Variants in MID1 observed in about 807,000 individuals in gnomAD.
The protein encoded by MID1 is E3 ubiquitin-protein ligase Midline-1.
Under a neutral mutation model 40.4 loss-of-function variants are expected in MID1, and 7 were observed. The ratio of observed to expected loss-of-function variants is 0.17; its 90% CI spans 0.10 to 0.33. MID1 has a LOEUF of 0.33. MID1 is among the 10% of genes least tolerant of loss of function. The pLI is 1.00. For synonymous variants in MID1, 229 were observed against 221.2 expected, an observed-to-expected ratio of 1.04 and a Z score of -0.31; for missense variants, 367 against 558.5, an observed-to-expected ratio of 0.66 and a Z score of 3.46.
Position 10,452,229 on chromosome X carries a change from C to T in MID1, c.1656-2513G>A, listed in dbSNP as rs145223463. Among the ~76,000 whole-genome samples the T allele has an allele frequency of 7.3e-3, 812 of 111,661 alleles. 10 individuals carry two copies. Among genetic ancestry groups the T allele is most frequent in the African/African-American group, 0.025 (753 of 30,699 alleles). On this transcript the variant is annotated intron_variant, in intron 9 of 9. Transcript: ENST00000317552. ...GCAAAATCCAGAGTTGTATGCTGCC[C>T]CCACCCCTTCTGGTCTAATAATCTT...
intron 2 of MID1, among the ~76,000 whole-genome samples, chrX:10,551,169 T>C (rs1933894637): frequency 8.9e-6 from 1 of 112,446 alleles, no homozygotes; most frequent in Non-Finnish European, 1.9e-5. Flanking sequence ...CATTGTATTG[T>C]TTAGAGATTT....
At chrX:10,804,557 C>T (rs1353653275) in intron 1 of MID1, among the ~76,000 whole-genome samples, 3 of 111,543 alleles carry the variant, frequency 2.7e-5, no homozygotes, top group Non-Finnish European at 5.6e-5. Context: ...CTTCTTAAAT[C>T]GAGTTTGAGT....
chrX:10,819,422 C>T (rs181075831), intron 1 of MID1, among the ~76,000 whole-genome samples: 86 of 111,682 alleles, frequency 7.7e-4, no homozygotes, highest in African/African-American at 2.7e-3. Flanking sequence ...TTATTGCAAC[C>T]GAAGACATCA....
intron 1 of MID1, among the ~76,000 whole-genome samples, chrX:10,683,770 CTTT>C (rs34917176): frequency 2.0e-3 from 91 of 45,060 alleles, no homozygotes; most frequent in African/African-American, 8.9e-3. Flanking sequence ...TGCACGTCAT[CTTT>C]TTTTTTTTTT....
At chrX:10,704,243 T>G (rs1263375723) in intron 1 of MID1, among the ~76,000 whole-genome samples, 1 of 112,433 alleles carries the variant, frequency 8.9e-6, no homozygotes, top group Non-Finnish European at 1.9e-5. Flanking sequence ...CTATTTATAC[T>G]TTACTGCTTG....
chrX:10,477,771 A>T (rs1350687734), intron 5 of MID1, among the ~76,000 whole-genome samples: 1 of 112,300 alleles, frequency 8.9e-6, no homozygotes, highest in African/African-American at 3.2e-5. Flanking sequence ...AACAATGTGC[A>T]TCACCAAAGT....
rs189283409 is a variant in MID1, at chrX:10,609,150, C to T, written c.-57+11140G>A. Among the ~76,000 whole-genome samples the T allele has an allele frequency of 3.7e-3, 382 of 103,595 alleles. 4 individuals are homozygous for T. The highest frequency in any genetic ancestry group is 0.014 in the African/African-American group (363 of 25,799). The allele number at this position is 103,595 out of a possible 115,157, so 90.0% of individuals were successfully genotyped here. ...GGATATTTATACATATACATGCACA[C>T]GTGCATACACACACACACACACACA... On this transcript the variant is annotated intron_variant, in intron 1 of 9. Transcript: ENST00000317552.
chrX:10,694,918 A>G (rs746442452), intron 1 of MID1, among the ~76,000 whole-genome samples: 1 of 111,534 alleles, frequency 9.0e-6, no homozygotes, highest in African/African-American at 3.3e-5. Flanking sequence ...CTTAGTTTAT[A>G]GTTTAAATGA....
intron 1 of MID1, among the ~76,000 whole-genome samples, chrX:10,789,646 G>A (rs1009224281): frequency 1.8e-5 from 2 of 112,082 alleles, no homozygotes; most frequent in South Asian, 3.7e-4. Context: ...CTCTATGTTC[G>A]CACAATCATA....
intron 1 of MID1, among the ~76,000 whole-genome samples, chrX:10,644,385 AG>A (rs1322998387): frequency 1.7e-4 from 19 of 110,084 alleles, no homozygotes; most frequent in African/African-American, 5.9e-4. Context: ...CCTTCCTCTC[AG>A]CCATCTCCCT....
chrX:10,446,642 T>C lies in MID1; in HGVS notation c.*2726A>G, dbSNP rs1009321478. The C allele has an allele frequency of 2.7e-5, 3 of 112,133 alleles. No homozygotes were observed. The highest frequency in any genetic ancestry group is 9.7e-5 in the African/African-American group (3 of 30,813). The allele number at this position is 112,133 out of a possible 1,213,427, so 9.2% of individuals were successfully genotyped here. A position where few individuals can be genotyped will look rare whatever the true frequency, so the allele number is the denominator to read the frequency against. ...GGAAGAGAGGTACCACGTTTCTGAG[T>C]TCTTTTATGAGCACTCGCTATGTAA... On this transcript the variant is annotated 3_prime_UTR_variant, in exon 10 of 10. Transcript: ENST00000317552.
intron 1 of MID1, among the ~76,000 whole-genome samples, chrX:10,647,668 T>C (rs1269925373): frequency 8.9e-6 from 1 of 111,935 alleles, no homozygotes; most frequent in African/African-American, 3.2e-5. Context: ...ATGTACCTGA[T>C]TCCACGTGTC....
intron 1 of MID1, among the ~76,000 whole-genome samples, chrX:10,702,134 C>T (rs1174032888): frequency 2.7e-5 from 3 of 112,697 alleles, no homozygotes; most frequent in East Asian, 2.7e-4. Context: ...CTGCACAGAA[C>T]TGTACCAACT....
At chrX:10,773,916 A>G (rs2043786289) in intron 1 of MID1, among the ~76,000 whole-genome samples, 1 of 112,176 alleles carries the variant, frequency 8.9e-6, no homozygotes. Context: ...GTGATTATTA[A>G]TGTACACTCT....
At chrX:10,481,420 G>C (rs1260477092) in intron 5 of MID1, among the ~76,000 whole-genome samples, 1 of 111,858 alleles carries the variant, frequency 8.9e-6, no homozygotes, top group Non-Finnish European at 1.9e-5. Flanking sequence ...GCCCAGCCTA[G>C]TGCTTCTCTT....
At chrX:10,804,437 G>A (rs192319572) in intron 1 of MID1, among the ~76,000 whole-genome samples, 1 of 111,780 alleles carries the variant, frequency 8.9e-6, no homozygotes, top group Admixed American at 9.5e-5. Flanking sequence ...TCTGGCTAGG[G>A]GTTATGCATG....
chrX:10,805,984 A>G (rs2044043124), intron 1 of MID1, among the ~76,000 whole-genome samples: 2 of 107,914 alleles, frequency 1.9e-5, no homozygotes, highest in Non-Finnish European at 3.8e-5. Flanking sequence ...CCTTTGTCAG[A>G]TGAGTAGGTT....
chrX:10,494,586 C>T, intron 4 of MID1, among the ~76,000 whole-genome samples: 2 of 109,784 alleles, frequency 1.8e-5, no homozygotes, highest in Non-Finnish European at 3.8e-5. Flanking sequence ...CCAGCCTAGA[C>T]AACATGGTGA....
intron 1 of MID1, among the ~76,000 whole-genome samples, chrX:10,688,794 T>G (rs2043114872): frequency 9.0e-6 from 1 of 111,559 alleles, no homozygotes; most frequent in African/African-American, 3.3e-5. Flanking sequence ...TTGGCACATA[T>G]GAATTGAGAA....
Sources: gnomAD v4.1 joint callset for allele counts (sites outside exome capture counted in the v4.1 genomes callset) on GRCh38, gnomAD v4.1.1 for gene constraint, MANE v1.5 for transcripts, NCBI Gene and HGNC (gene_info 2026-07-23, HGNC 2026-07-21) for gene names.